RANBP2: variants seen among roughly 807,000 people sequenced by gnomAD.
The protein encoded by RANBP2 is E3 SUMO-protein ligase RanBP2.
RANBP2 carries 57 observed loss-of-function variants against 303.6 expected under a neutral mutation model. The ratio of observed to expected loss-of-function variants is 0.19; its 90% confidence interval spans 0.15 to 0.23. The LOEUF is 0.23. Among genes scored for constraint, RANBP2 ranks in the 10% least tolerant of loss-of-function variants. RANBP2 has a pLI of 1.00. For synonymous variants in RANBP2, 1,167 were observed against 1,301.5 expected (o/e 0.90, Z 2.23); for missense variants, 3,138 against 3,780.8 (o/e 0.83, Z 4.46).
chr2:109,016,828 C>T, the RANBP2 span, among the ~76,000 whole-genome samples: 1 of 152,158 alleles, frequency 6.6e-6, no homozygotes, highest in South Asian at 2.1e-4. Context: ...TTGTGGCAGT[C>T]GCTGGCAGAT....
chr2:109,146,571 C>G, the RANBP2 span, among the ~76,000 whole-genome samples: 1 of 152,108 alleles, frequency 6.6e-6, no homozygotes, highest in Non-Finnish European at 1.5e-5. Flanking sequence ...TCTGAATGCA[C>G]GCTCTCCCCA....
At chr2:109,270,093 A>G in the RANBP2 span, among the ~76,000 whole-genome samples, 1 of 152,208 alleles carries the variant, frequency 6.6e-6, no homozygotes, top group Non-Finnish European at 1.5e-5. Context: ...GGGCAGGGGC[A>G]CCAGTCCCTC....
At chr2:108,884,887 C>T in the RANBP2 span, 1 of 151,278 alleles carries the variant, frequency 6.6e-6, no homozygotes. Flanking sequence ...TGAAACACCT[C>T]TGCTCTGTGG....
At chr2:108,739,712 G>C (rs1418392325) in intron 6 of RANBP2, among the ~76,000 whole-genome samples, 1 of 152,190 alleles carries the variant, frequency 6.6e-6, no homozygotes, top group Admixed American at 6.5e-5. Context: ...TAGGCCAGGC[G>C]TAGTGGCTCA....
chr2:109,205,325 A>G, the RANBP2 span, among the ~76,000 whole-genome samples: 1 of 151,330 alleles, frequency 6.6e-6, no homozygotes, highest in South Asian at 2.1e-4. Context: ...CAGTGGCTCA[A>G]TCTCAGCTCA....
chr2:109,384,264 A>G, the RANBP2 span, among the ~76,000 whole-genome samples: 2 of 152,198 alleles, frequency 1.3e-5, no homozygotes, highest in Admixed American at 6.5e-5. Context: ...TCTGCCAGGG[A>G]GGACACAACA....
At chr2:108,930,245 G>T in the RANBP2 span, 3 of 1,614,042 alleles carry the variant, frequency 1.9e-6, no homozygotes, top group Non-Finnish European at 2.5e-6. Flanking sequence ...AGAGACACCT[G>T]CCAACAAAGG....
At chr2:109,699,743 A>G in the RANBP2 span, among the ~76,000 whole-genome samples, 1 of 152,106 alleles carries the variant, frequency 6.6e-6, no homozygotes, top group Non-Finnish European at 1.5e-5. Flanking sequence ...GCTCAAACCC[A>G]TATTGTTCAG....
In RANBP2 at chr2:108,753,380, A is replaced by G. The variant is rs1170016775; in HGVS notation, c.1918-46A>G. ...CTTTGGAAAATCATTTGGGTTTTAT[A>G]TTCTGAGTATAAACAATTTGACTAA... On this transcript the variant is annotated intron_variant, in intron 13 of 28. Coordinates refer to ENST00000283195, the MANE Select transcript of RANBP2 (RefSeq NM_006267.5). 4 of 1,605,760 alleles carry G rather than the reference A, an allele frequency of 2.5e-6. No individual in the cohort carries two copies. In the East Asian group the frequency reaches 8.9e-5, roughly 36 times the overall value.
the RANBP2 span, among the ~76,000 whole-genome samples, chr2:108,923,828 C>T: frequency 2.9e-3 from 440 of 152,366 alleles, no homozygotes; most frequent in Non-Finnish European, 5.5e-3. Flanking sequence ...GCCAGACCTT[C>T]CTGGAGGAGG....
the RANBP2 span, among the ~76,000 whole-genome samples, chr2:108,860,661 C>T: frequency 9.2e-5 from 14 of 152,094 alleles, no homozygotes; most frequent in African/African-American, 3.1e-4. Context: ...TCCACTTGAT[C>T]GTGGTGGATT....
At chr2:109,555,828 C>T in the RANBP2 span, among the ~76,000 whole-genome samples, 1 of 152,170 alleles carries the variant, frequency 6.6e-6, no homozygotes, top group Non-Finnish European at 1.5e-5. Flanking sequence ...TTCTTCTTCC[C>T]CTGGCCCCTT....
chr2:108,786,802 C>G (rs971797093), downstream of RANBP2: 6 of 1,573,644 alleles, frequency 3.8e-6, no homozygotes, highest in African/African-American at 6.8e-5. Flanking sequence ...CCCGGGGAGA[C>G]TGGTACGGTT....
the RANBP2 span, among the ~76,000 whole-genome samples, chr2:109,090,335 C>CCA: frequency 6.3e-5 from 8 of 126,536 alleles, no homozygotes; most frequent in South Asian, 1.0e-3. Flanking sequence ...CACACACACA[C>CCA]ACACACACAC....
chr2:109,646,657 ATTTTTTT>A, the RANBP2 span, among the ~76,000 whole-genome samples: 1,421 of 119,020 alleles, frequency 0.012, 13 homozygotes, highest in Admixed American at 0.022. Context: ...ATGACTGGCT[ATTTTTTT>A]TTTTTTTTTT....
chr2:109,014,667 C>T, the RANBP2 span, among the ~76,000 whole-genome samples: 1 of 152,232 alleles, frequency 6.6e-6, no homozygotes, highest in Non-Finnish European at 1.5e-5. Flanking sequence ...GGGCCTTCCC[C>T]AGTTCACTGG....
At chr2:108,741,607 G>A (rs1327222840) in intron 7 of RANBP2, among the ~76,000 whole-genome samples, 2 of 134,916 alleles carry the variant, frequency 1.5e-5, no homozygotes, top group Non-Finnish European at 3.1e-5. Context: ...CCGAGTTCAC[G>A]CCATTTTCCT....
chr2:109,710,895 T>C, the RANBP2 span, among the ~76,000 whole-genome samples: 1 of 152,020 alleles, frequency 6.6e-6, no homozygotes, highest in Non-Finnish European at 1.5e-5. Context: ...GTGTTCATAA[T>C]AGGAAGGGGA....
the RANBP2 span, among the ~76,000 whole-genome samples, chr2:109,600,419 T>A: frequency 1.3e-5 from 2 of 152,100 alleles, no homozygotes; most frequent in African/African-American, 4.8e-5. Context: ...ATTCTGTGCA[T>A]CTGACAATAT....
Sources: gnomAD v4.1 joint callset for allele counts (sites outside exome capture counted in the v4.1 genomes callset) on GRCh38, gnomAD v4.1.1 for gene constraint, MANE v1.5 for transcripts, NCBI Gene and HGNC (gene_info 2026-07-23, HGNC 2026-07-21) for gene names.